ENTHD1: variants seen among roughly 807,000 people sequenced by gnomAD.
ENTHD1 encodes ENTH domain-containing protein 1.
In ENTHD1, 23 loss-of-function variants were observed where a neutral mutation model predicts 39.1. The observed-to-expected ratio is 0.59, with a 90% CI of 0.42 to 0.83. The LOEUF (loss-of-function observed/expected upper bound fraction) is 0.83, where lower values mean the gene tolerates loss of function less well. Among genes scored for constraint, ENTHD1 ranks in the 40% least tolerant of loss-of-function variants. ENTHD1 has a pLI of 0.00. For synonymous variants in ENTHD1, 230 were observed against 258.2 expected (o/e 0.89, Z 1.05); for missense variants, 624 against 705.4 (o/e 0.88, Z 1.31).
At chr22:39,805,698 G>T (rs55713823) in intron 5 of ENTHD1, among the ~76,000 whole-genome samples, 1 of 152,144 alleles carries the variant, frequency 6.6e-6, no homozygotes, top group African/African-American at 2.4e-5. Flanking sequence ...GAGCAAGAGG[G>T]AGAAAACAGG....
chr22:39,873,650 A>G lies in ENTHD1; in HGVS notation c.350-11643T>C, dbSNP rs1402518394. On this transcript the variant is annotated intron_variant, in intron 2 of 6. Coordinates refer to ENST00000325157, the MANE Select transcript of ENTHD1 (RefSeq NM_152512.4). ...ATACCTGCTCTTCATTTTTCATAAGATGCTTTAAGGAGATCAAACAAGATC... is the reference window on the plus strand; with the variant it reads ...ATACCTGCTCTTCATTTTTCATAAGGTGCTTTAAGGAGATCAAACAAGATC... Among the ~76,000 whole-genome samples the G allele has an allele frequency of 2.0e-5, 3 of 152,306 alleles. No homozygotes were observed. The East Asian group carries it at 5.8e-4, about 29-fold the overall frequency.
intron 4 of ENTHD1, among the ~76,000 whole-genome samples, chr22:39,832,682 C>T (rs570034562): frequency 2.0e-5 from 3 of 152,116 alleles, no homozygotes; most frequent in Non-Finnish European, 4.4e-5. Flanking sequence ...GTTCTGGTGG[C>T]TCCCTCTCAC....
chr22:39,793,343 T>TG (rs200167907), intron 5 of ENTHD1, among the ~76,000 whole-genome samples: 7 of 142,330 alleles, frequency 4.9e-5, no homozygotes, highest in African/African-American at 8.1e-5. Flanking sequence ...TATTAGTTGT[T>TG]TTTTTTTTTT....
At chr22:39,856,215 G>A (rs9619834) in intron 3 of ENTHD1, among the ~76,000 whole-genome samples, 9,795 of 150,620 alleles carry the variant, frequency 0.065, 1,057 homozygotes, top group African/African-American at 0.23. Flanking sequence ...CAGAGGTTGC[G>A]GTGAGCCAAG....
intron 5 of ENTHD1, among the ~76,000 whole-genome samples, chr22:39,791,341 GAT>G (rs1179571569): frequency 6.7e-6 from 1 of 148,646 alleles, no homozygotes; most frequent in African/African-American, 2.5e-5. Flanking sequence ...TATATATAAA[GAT>G]ATATTAAAAA....
chr22:39,819,091 G>A (rs577958201), intron 5 of ENTHD1, among the ~76,000 whole-genome samples: 21 of 152,322 alleles, frequency 1.4e-4, no homozygotes, highest in African/African-American at 5.1e-4. Context: ...TATCGGCTAG[G>A]CATGGTGGCT....
intron 5 of ENTHD1, among the ~76,000 whole-genome samples, chr22:39,789,921 G>A (rs1327697918): frequency 6.6e-6 from 1 of 152,062 alleles, no homozygotes; most frequent in Non-Finnish European, 1.5e-5. Flanking sequence ...GGTGTCATTT[G>A]AGCAGTAAAC....
At chr22:39,830,647 A>T (rs577845257) in intron 4 of ENTHD1, among the ~76,000 whole-genome samples, 14 of 152,336 alleles carry the variant, frequency 9.2e-5, no homozygotes, top group African/African-American at 3.4e-4. Flanking sequence ...GCTAACGTTC[A>T]TTTACTGTCT....
chr22:39,765,732 C>G (rs1031304612), intron 5 of ENTHD1, 123 bp from the exon 6 acceptor site: 1 of 998,036 alleles, frequency 1.0e-6, no homozygotes, highest in Admixed American at 2.9e-5. Flanking sequence ...TCCTATTTAG[C>G]CCTCTGCTTT....
At chr22:39,782,392 C>A (rs1459659909) in intron 5 of ENTHD1, among the ~76,000 whole-genome samples, 1 of 151,844 alleles carries the variant, frequency 6.6e-6, no homozygotes, top group Non-Finnish European at 1.5e-5. Flanking sequence ...TAAAAAAGAA[C>A]TAATAGCAAC....
At chr22:39,877,289 CTTGACCTAAACAACTTAGAAACGG>C (rs2066299506) in intron 2 of ENTHD1, among the ~76,000 whole-genome samples, 1 of 152,202 alleles carries the variant, frequency 6.6e-6, no homozygotes, top group African/African-American at 2.4e-5. Flanking sequence ...TCTTGCCATC[CTTGACCTAAACAACTTAGAAACGG>C]ATAAAAAAAA....
intron 5 of ENTHD1, among the ~76,000 whole-genome samples, chr22:39,812,435 T>C (rs563503335): frequency 6.3e-4 from 96 of 152,320 alleles, no homozygotes; most frequent in African/African-American, 2.3e-3. Flanking sequence ...GTGGATGGAC[T>C]TTTCAGGATG....
At chr22:39,822,163 A>G (rs1345785042) in intron 4 of ENTHD1, among the ~76,000 whole-genome samples, 2 of 151,932 alleles carry the variant, frequency 1.3e-5, no homozygotes, top group Non-Finnish European at 1.5e-5. Flanking sequence ...GATCCAAATC[A>G]AGTCTATAGA....
At chr22:39,830,370 C>T (rs191815972) in intron 4 of ENTHD1, among the ~76,000 whole-genome samples, 9 of 152,194 alleles carry the variant, frequency 5.9e-5, no homozygotes, top group East Asian at 1.9e-4. Flanking sequence ...CCACTGTGCC[C>T]GGCCCCTAAA....
At chr22:39,878,236 A>G (rs1861154090) in intron 2 of ENTHD1, among the ~76,000 whole-genome samples, 1 of 152,362 alleles carries the variant, frequency 6.6e-6, no homozygotes, top group Middle Eastern at 3.4e-3. Flanking sequence ...GGACATCTCA[A>G]TAGAAACCAC....
At chr22:39,878,036 T>C (rs1374798005) in intron 2 of ENTHD1, among the ~76,000 whole-genome samples, 1 of 152,160 alleles carries the variant, frequency 6.6e-6, no homozygotes, top group East Asian at 1.9e-4. Flanking sequence ...ATGATTAATA[T>C]GTAAGGGCTC....
chr22:39,791,351 A>T (rs1441236316), intron 5 of ENTHD1, among the ~76,000 whole-genome samples: 1 of 149,624 alleles, frequency 6.7e-6, no homozygotes, highest in African/African-American at 2.4e-5. Flanking sequence ...GATATATTAA[A>T]AATATATGAA....
At chr22:39,837,358 A>G (rs1002063885) in intron 3 of ENTHD1, among the ~76,000 whole-genome samples, 1 of 152,194 alleles carries the variant, frequency 6.6e-6, no homozygotes, top group Non-Finnish European at 1.5e-5. Context: ...GAATGCAACT[A>G]TGCAGAGGTA....
At chr22:39,848,173 C>T (rs2066005840) in intron 3 of ENTHD1, among the ~76,000 whole-genome samples, 1 of 152,218 alleles carries the variant, frequency 6.6e-6, no homozygotes, top group African/African-American at 2.4e-5. Context: ...GCTTCAAATC[C>T]TTATCACACT....
Sources: gnomAD v4.1 joint callset for allele counts (sites outside exome capture counted in the v4.1 genomes callset) on GRCh38, gnomAD v4.1.1 for gene constraint, MANE v1.5 for transcripts, NCBI Gene and HGNC (gene_info 2026-07-23, HGNC 2026-07-21) for gene names.